The following GRAMD1B variants were observed in gnomAD, a reference collection of about 807,000 sequenced individuals.
GRAMD1B encodes protein Aster-B.
A neutral mutation model predicts 99.7 loss-of-function variants in GRAMD1B; 37 were observed. That is an observed-to-expected ratio of 0.37 (90% CI 0.29 to 0.49). GRAMD1B has a LOEUF of 0.49. Among genes scored for constraint, GRAMD1B ranks in the 20% least tolerant of loss-of-function variants. The pLI is 0.98. For missense variants in GRAMD1B, 888 were observed against 1,009.2 expected, an observed-to-expected ratio of 0.88 and a Z score of 1.63; for synonymous variants, 427 against 387.6, an observed-to-expected ratio of 1.10 and a Z score of -1.19.
chr11:123,562,954 G>C (rs1946936473), intron 2 of GRAMD1B, among the ~76,000 whole-genome samples: 1 of 152,222 alleles, frequency 6.6e-6, no homozygotes, highest in Non-Finnish European at 1.5e-5. Context: ...TGATGATTCT[G>C]CTCTATTCTG....
At chr11:123,590,047 T>C (rs1313206972) in intron 4 of GRAMD1B, among the ~76,000 whole-genome samples, 3 of 152,236 alleles carry the variant, frequency 2.0e-5, no homozygotes, top group African/African-American at 7.2e-5. Context: ...CCCATTGGCC[T>C]GGCTTTCATT....
intron 3 of GRAMD1B, among the ~76,000 whole-genome samples, chr11:123,583,310 G>C (rs1949641317): frequency 6.7e-6 from 1 of 150,046 alleles, no homozygotes; most frequent in African/African-American, 2.5e-5. Context: ...ATGTGTGTGT[G>C]CACGTGTGGA....
chr11:123,544,616 C>T (rs923891971), intron 2 of GRAMD1B, among the ~76,000 whole-genome samples: 8 of 152,216 alleles, frequency 5.3e-5, no homozygotes, highest in Non-Finnish European at 8.8e-5. Flanking sequence ...ACTTGAGATG[C>T]ACAGGAGGTC....
At position 123,623,185 on chromosome 11, in the gene GRAMD1B, C is replaced by T. The variant is rs925537254; in HGVS notation, c.*590C>T. ...TCAGATGGAGAGGATGCTTGGAAAG[C>T]TAGGAAGGCTGCATTGTGTGGTGGC... On this transcript the variant is annotated 3_prime_UTR_variant, in exon 20 of 20. Transcript: ENST00000635736. 1.8e-4 allele frequency: 28 copies of T among 152,130 alleles called. No homozygotes were observed. Among genetic ancestry groups the T allele is most frequent in the Non-Finnish European group, 3.8e-4 (26 of 68,040 alleles). 9.4% of individuals were successfully genotyped at this position (152,130 alleles called of 1,614,324 possible).
intron 1 of GRAMD1B, among the ~76,000 whole-genome samples, chr11:123,387,389 C>A (rs999275432): frequency 2.0e-5 from 3 of 152,040 alleles, no homozygotes; most frequent in African/African-American, 7.2e-5. Context: ...GTACATGAGG[C>A]CCAGTGTTTA....
At chr11:123,584,249 C>G in intron 3 of GRAMD1B, 63 bp from the exon 4 acceptor site, 3 of 880,714 alleles carry the variant, frequency 3.4e-6, no homozygotes, top group Non-Finnish European at 3.7e-6. Context: ...GCCCTTCCCC[C>G]TGGCCCTTCC....
intron 1 of GRAMD1B, among the ~76,000 whole-genome samples, chr11:123,404,956 C>A (rs1355627273): frequency 1.3e-5 from 2 of 152,158 alleles, no homozygotes; most frequent in African/African-American, 2.4e-5. Context: ...CACTCTCTTG[C>A]CAAATCCTGT....
intron 16 of GRAMD1B, 37 bp downstream of exon 16, chr11:123,613,695 C>G (rs1565467981): frequency 6.5e-7 from 1 of 1,542,210 alleles, no homozygotes; most frequent in Non-Finnish European, 8.9e-7. Context: ...GTGGACTAAG[C>G]TTTGGGCTGG....
intron 2 of GRAMD1B, among the ~76,000 whole-genome samples, chr11:123,487,835 G>C (rs1853371525): frequency 6.6e-6 from 1 of 152,158 alleles, no homozygotes; most frequent in African/African-American, 2.4e-5. Context: ...TCAACCTCCT[G>C]ATTTCAGGGG....
Position 123,401,472 on chromosome 11 carries a change from C to T in GRAMD1B, c.-176+42673C>T, listed in dbSNP as rs369518436. Among the ~76,000 whole-genome samples, 26 of 152,222 alleles carry T rather than the reference C, an allele frequency of 1.7e-4. No individual in the cohort carries two copies. In the East Asian group the frequency reaches 3.3e-3, roughly 19 times the overall value. ...AACCTCTGGACCCTACTGCCTCCCACGGGAGTTTGCTCATCCTGATGGCCT... is the reference window on the plus strand; with the variant it reads ...AACCTCTGGACCCTACTGCCTCCCATGGGAGTTTGCTCATCCTGATGGCCT... On this transcript the variant is annotated intron_variant, in intron 1 of 20. Transcript: ENST00000638157.
At chr11:123,362,601 T>C (rs7130954) in intron 1 of GRAMD1B, among the ~76,000 whole-genome samples, 63,586 of 152,048 alleles carry the variant, frequency 0.42, 16,358 homozygotes, top group African/African-American at 0.73. Context: ...CTACCTACTC[T>C]CCCACCCCAT....
At chr11:123,604,839 T>C (rs1293563103) in intron 9 of GRAMD1B, among the ~76,000 whole-genome samples, 4 of 152,148 alleles carry the variant, frequency 2.6e-5, no homozygotes, top group Admixed American at 6.5e-5. Context: ...AGGTTTTCTT[T>C]CTAGGTGTAT....
intron 1 of GRAMD1B, among the ~76,000 whole-genome samples, chr11:123,404,857 C>G (rs1177039870): frequency 6.6e-6 from 1 of 152,184 alleles, no homozygotes; most frequent in Non-Finnish European, 1.5e-5. Flanking sequence ...GCTCAGCTGC[C>G]AACCTTAGAA....
intron 1 of GRAMD1B, among the ~76,000 whole-genome samples, chr11:123,367,562 C>T (rs541293412): frequency 1.8e-4 from 28 of 152,206 alleles, no homozygotes; most frequent in African/African-American, 5.1e-4. Context: ...TTGACGTGTT[C>T]GCAAAGAGTC....
intron 2 of GRAMD1B, among the ~76,000 whole-genome samples, chr11:123,507,716 C>T (rs1311474213): frequency 6.6e-6 from 1 of 151,984 alleles, no homozygotes; most frequent in African/African-American, 2.4e-5. Context: ...TGAATAGTCC[C>T]AAGATTTTTT....
chr11:123,560,362 A>G (rs1946603275), intron 2 of GRAMD1B: 1 of 1,175,868 alleles, frequency 8.5e-7, no homozygotes, highest in African/African-American at 1.6e-5. Context: ...GACCACACCA[A>G]ATAACAGCAG....
intron 2 of GRAMD1B, among the ~76,000 whole-genome samples, chr11:123,539,384 T>A (rs1944288425): frequency 6.6e-6 from 1 of 152,150 alleles, no homozygotes; most frequent in Admixed American, 6.5e-5. Flanking sequence ...AGAGAATTGC[T>A]TGAACCCATG....
At chr11:123,580,291 T>C (rs1287967276) in intron 3 of GRAMD1B, among the ~76,000 whole-genome samples, 2 of 152,116 alleles carry the variant, frequency 1.3e-5, no homozygotes. Context: ...AAGTAGATGG[T>C]GCGGCAAAAA....
At position 123,577,197 on chromosome 11, in the gene GRAMD1B, C is replaced by T. The variant is rs993162985; in HGVS notation, c.453-170C>T. Among the ~76,000 whole-genome samples the T allele has an allele frequency of 3.9e-5, 6 of 152,352 alleles. No individual in the cohort carries two copies. In the South Asian group the frequency reaches 8.3e-4, roughly 21 times the overall value. ...CCTCCCGTGGCCAACGGCAGTATTA[C>T]GGTGCGGCAAGCCGCAGCCTGGGCC... On this transcript the variant is annotated intron_variant, in intron 2 of 19. Transcript: ENST00000635736.
Sources: gnomAD v4.1 joint callset for allele counts (sites outside exome capture counted in the v4.1 genomes callset) on GRCh38, gnomAD v4.1.1 for gene constraint, MANE v1.5 for transcripts, NCBI Gene and HGNC (gene_info 2026-07-23, HGNC 2026-07-21) for gene names.